The following KIAA1549 variants were observed in gnomAD, a reference collection of about 807,000 sequenced individuals.
KIAA1549 encodes UPF0606 protein KIAA1549.
In KIAA1549, 70 loss-of-function variants were observed where a neutral mutation model predicts 156.4. The ratio of observed to expected loss-of-function variants is 0.45; its 90% CI spans 0.37 to 0.55. The LOEUF is 0.55. Ranked by LOEUF, KIAA1549 falls within the 20% of genes least tolerant of loss-of-function variation. KIAA1549 has a pLI of 0.00. For synonymous variants in KIAA1549, 1,103 were observed against 1,066.4 expected, an observed-to-expected ratio of 1.03 and a Z score of -0.67; for missense variants, 2,428 against 2,540.9, an observed-to-expected ratio of 0.96 and a Z score of 0.96.
intron 8 of KIAA1549, among the ~76,000 whole-genome samples, chr7:138,902,154 G>A (rs1371236898): frequency 6.6e-6 from 1 of 152,092 alleles, no homozygotes; most frequent in South Asian, 2.1e-4. Context: ...AAATTTCTCT[G>A]TAACTTACTG....
intron 18 of KIAA1549, 95 bp downstream of exon 18, chr7:138,844,222 C>CCT (rs1810003161): frequency 7.3e-7 from 1 of 1,373,546 alleles, no homozygotes; most frequent in South Asian, 1.2e-5. Context: ...GTGGCAGAGG[C>CCT]CTCTGCACAC....
intron 8 of KIAA1549, among the ~76,000 whole-genome samples, chr7:138,903,108 TGACTCCA>T (rs1334067294): frequency 1.3e-5 from 2 of 152,182 alleles, no homozygotes. Flanking sequence ...ACCAAAGTGA[TGACTCCA>T]TAATACCATG....
intron 17 of KIAA1549, among the ~76,000 whole-genome samples, chr7:138,848,189 T>G (rs1810134215): frequency 6.6e-6 from 1 of 152,240 alleles, no homozygotes; most frequent in African/African-American, 2.4e-5. Context: ...TTCTTTACTC[T>G]TTTTGTGTTT....
At position 138,919,044 on chromosome 7, in the gene KIAA1549, G is replaced by T. The variant is rs1812453446; in HGVS notation, c.582C>A (p.Leu194=). ...AAGAAACCATGGGTAATGATGGAGT[G>T]AGCATAGGTTCTAATGCTTCCCTGG... ...GLPREALEPM[L]TPSLPMVSLQ... is the part of the protein sequence containing the mutation. Residue 194 remains leucine (L), a synonymous_variant, in exon 2 of 20, where the codon CTC becomes CTA. Coordinates refer to ENST00000422774, the MANE Select transcript of KIAA1549 (RefSeq NM_001164665.2). 1.2e-6 allele frequency: 2 copies of T among 1,614,020 alleles called. No individual in the cohort carries two copies. Among genetic ancestry groups the T allele is most frequent in the South Asian group, 1.1e-5 (1 of 91,078 alleles).
intron 17 of KIAA1549, among the ~76,000 whole-genome samples, chr7:138,848,958 C>T (rs1810160008): frequency 6.6e-6 from 1 of 152,114 alleles, no homozygotes; most frequent in Non-Finnish European, 1.5e-5. Context: ...GTTTCAAACG[C>T]CTGAGCTTAA....
chr7:138,889,793 CA>C (rs1375976634), intron 10 of KIAA1549, among the ~76,000 whole-genome samples: 1 of 151,830 alleles, frequency 6.6e-6, no homozygotes, highest in African/African-American at 2.4e-5. Flanking sequence ...GTATTATGCA[CA>C]AAACAAAAGC....
In KIAA1549 at chr7:138,834,694, C is replaced by T. The variant is rs1186194797; in HGVS notation, c.*3212G>A. On this transcript the variant is annotated 3_prime_UTR_variant, in exon 20 of 20. Coordinates refer to ENST00000422774, the MANE Select transcript of KIAA1549 (RefSeq NM_001164665.2). The stretch of plus-strand genomic sequence containing the variant: ...AGTGAGGAAACTGAGTCACACCGAG[C>T]TTTCGGTTTTGCTCATTACCCATGT... The T allele has an allele frequency of 1.7e-5, 4 of 232,516 alleles. No individual in the cohort carries two copies. Among genetic ancestry groups the T allele is most frequent in the Non-Finnish European group, 2.5e-5 (3 of 117,668 alleles). 14.4% of individuals were successfully genotyped at this position (232,516 alleles called of 1,614,324 possible).
intron 8 of KIAA1549, among the ~76,000 whole-genome samples, chr7:138,902,865 T>C (rs1409576811): frequency 1.3e-5 from 2 of 152,068 alleles, no homozygotes; most frequent in African/African-American, 2.4e-5. Context: ...AAAGGATGTA[T>C]GCAGTGTCAT....
intron 15 of KIAA1549, among the ~76,000 whole-genome samples, chr7:138,866,783 T>C (rs1470039038): frequency 6.6e-6 from 1 of 152,166 alleles, no homozygotes; most frequent in African/African-American, 2.4e-5. Flanking sequence ...TGGACCTCTT[T>C]TACTTTGGAA....
chr7:138,918,255 T>C lies in KIAA1549; in HGVS notation c.1371A>G (p.Glu457=). The part of the protein sequence containing the change: ...GAETLCMTVL[E]ESSISLMSSV... ...TACTCATTAGAGAGATGCTGCTTTCTTCCAGCACGGTCATGCACAGAGTCT... is the reference window on the plus strand; with the variant it reads ...TACTCATTAGAGAGATGCTGCTTTCCTCCAGCACGGTCATGCACAGAGTCT... Residue 457 remains glutamate (E), a synonymous_variant, in exon 2 of 20, where the codon GAA becomes GAG. Transcript: ENST00000422774. The surrounding 1 kb of genome is among the most constrained non-coding windows in gnomAD (Gnocchi z 4.2). The C allele has an allele frequency of 6.2e-7, 1 of 1,614,036 alleles. No homozygotes were observed. The highest frequency in any genetic ancestry group is 8.5e-7 in the Non-Finnish European group (1 of 1,179,892).
intron 1 of KIAA1549, among the ~76,000 whole-genome samples, chr7:138,940,806 G>A (rs1172648900): frequency 6.6e-6 from 1 of 152,150 alleles, no homozygotes; most frequent in Non-Finnish European, 1.5e-5. Context: ...GGCTGCATAA[G>A]TGTCTTCTTT....
Position 138,942,796 on chromosome 7 carries a change from G to C in KIAA1549, c.188-23358C>G, listed in dbSNP as rs1344770289. Among the ~76,000 whole-genome samples the C allele has an allele frequency of 2.6e-5, 4 of 152,184 alleles. No homozygotes were observed. The East Asian group carries it at 7.7e-4, about 29-fold the overall frequency. ...ATGGTGGCGGGCACCTGCAGTCCCA[G>C]CTACTCGGGAGGCTGAGGCAGGAGA... On this transcript the variant is annotated intron_variant, in intron 1 of 19. Transcript: ENST00000422774.
intron 17 of KIAA1549, among the ~76,000 whole-genome samples, chr7:138,848,300 T>C (rs1054283990): frequency 6.6e-6 from 1 of 152,240 alleles, no homozygotes; most frequent in Non-Finnish European, 1.5e-5. Context: ...CATTTCACCA[T>C]TGAGTAATAT....
chr7:138,952,431 A>G (rs1034301798), intron 1 of KIAA1549, among the ~76,000 whole-genome samples: 8 of 152,214 alleles, frequency 5.3e-5, no homozygotes, highest in Non-Finnish European at 1.0e-4. Flanking sequence ...GAGAGCACAG[A>G]CAAACAAACA....
rs60797311 is a variant in KIAA1549 at position 138,861,200 on chromosome 7, C to T, written c.5186G>A (p.Arg1729Lys). Residue 1729 changes from arginine to lysine, a missense_variant, in exon 16 of 20, where the codon AGG becomes AAG. By Grantham distance (26) the Arg-to-Lys change is conservative. Coordinates refer to ENST00000422774, the MANE Select transcript of KIAA1549 (RefSeq NM_001164665.2). ...GAAGGACCCCCACTGGGTGGCTCGC[C>T]TCTCTTCCTGGGAAGGGGTGCTGTT... is the stretch of plus-strand genomic sequence containing the variant. ...PANSTPSQEERRATQWGSFYS... is the reference protein window; with the variant it reads ...PANSTPSQEEKRATQWGSFYS... 6,027 of 1,613,786 alleles carry T rather than the reference C, an allele frequency of 3.7e-3. 285 individuals carry two copies. In the East Asian group the frequency reaches 0.11, roughly 28 times the overall value.
rs758257917 is a variant in KIAA1549, at chr7:138,911,198, C to T, written c.3093G>A (p.Leu1031=). 1 of 1,598,422 alleles carries T rather than the reference C, an allele frequency of 6.3e-7. No individual in the cohort carries two copies. The highest frequency in any genetic ancestry group is 8.5e-7 in the Non-Finnish European group (1 of 1,172,190). The change falls in exon 4 of 20, where the codon CTG becomes CTA. Residue 1031 remains leucine (L), a synonymous_variant. Coordinates refer to ENST00000422774, the MANE Select transcript of KIAA1549 (RefSeq NM_001164665.2). ...KLVRDQTPLI[L]SVKPSFLVPE... The stretch of plus-strand genomic sequence containing the variant: ...GCACAAGGAAAGAAGGTTTCACAGA[C>T]AGGATTAAAGGAGTCTGGTCACGGA...
At chr7:138,937,380 GC>G (rs1813046959) in intron 1 of KIAA1549, among the ~76,000 whole-genome samples, 2 of 152,268 alleles carry the variant, frequency 1.3e-5, no homozygotes, top group African/African-American at 4.8e-5. Flanking sequence ...CCCATGTCCA[GC>G]CCAAAGACTA....
chr7:138,847,397 G>C (rs538962709), intron 17 of KIAA1549, among the ~76,000 whole-genome samples: 40 of 152,318 alleles, frequency 2.6e-4, no homozygotes, highest in Middle Eastern at 3.4e-3. Context: ...AGGGGAGGAA[G>C]GGCGGAGAAA....
chr7:138,855,576 T>C lies in KIAA1549; in HGVS notation c.5248-3307A>G, dbSNP rs776844507. 1.1e-4 allele frequency among the ~76,000 whole-genome samples: 17 copies of C among 152,204 alleles called. 1 individual carries two copies. The highest frequency in any genetic ancestry group is 3.2e-3 in the Middle Eastern group (1 of 316). Reference sequence around the variant, plus strand: ...CCTTTCCTTTGCAGCACCTGGTCTATCATTTCAACTGCTCCCTCTCACCTG... The same window carrying C: ...CCTTTCCTTTGCAGCACCTGGTCTACCATTTCAACTGCTCCCTCTCACCTG... On this transcript the variant is annotated intron_variant, in intron 16 of 19. Coordinates refer to ENST00000422774, the MANE Select transcript of KIAA1549 (RefSeq NM_001164665.2).
Sources: gnomAD v4.1 joint callset for allele counts (sites outside exome capture counted in the v4.1 genomes callset) on GRCh38, gnomAD v4.1.1 for gene constraint, Gnocchi (gnomAD v3.1) non-coding constraint, MANE v1.5 for transcripts, NCBI Gene and HGNC (gene_info 2026-07-23, HGNC 2026-07-21) for gene names.